The following TAF1 variants were observed in gnomAD, a reference collection of about 807,000 sequenced individuals.
TAF1 encodes the protein TATA-box binding protein associated factor 1.
In TAF1, 2 loss-of-function variants were observed where a neutral mutation model predicts 138.5. That is an observed-to-expected ratio of 0.01 (90% CI 0.01 to 0.05). The LOEUF (loss-of-function observed/expected upper bound fraction) is 0.05. Ranked by LOEUF, TAF1 falls within the 10% of genes least tolerant of loss-of-function variation. TAF1 has a pLI of 1.00. For synonymous variants in TAF1, 437 were observed against 503.2 expected, an observed-to-expected ratio of 0.87 and a Z score of 1.76; for missense variants, 709 against 1,478.0, an observed-to-expected ratio of 0.48 and a Z score of 8.53.
In TAF1 at chrX:71,475,603, A is replaced by G. The variant is rs776460094; in HGVS notation, c.1366+14800A>G. Among the ~76,000 whole-genome samples, 667 of 110,079 alleles carry G rather than the reference A, an allele frequency of 6.1e-3. 11 individuals are homozygous for G. Among genetic ancestry groups the G allele is most frequent in the African/African-American group, 0.021 (631 of 30,115 alleles). ...CCGTTTCAAAAAAAAAAAAAAAAGA[A>G]AAAGAAAAAGGATAAATCTAAATAA... On this transcript the variant is annotated intron_variant and NMD_transcript_variant, in intron 13 of 14. Coordinates refer to the TAF1 transcript ENST00000373775.
intron 13 of TAF1, among the ~76,000 whole-genome samples, chrX:71,505,889 G>A (rs903109228): frequency 4.6e-5 from 5 of 107,818 alleles, no homozygotes; most frequent in Admixed American, 9.9e-5. Context: ...GCATGGTGGC[G>A]CATGCCTGTA....
At chrX:71,478,739 G>A (rs763168710) in intron 13 of TAF1, among the ~76,000 whole-genome samples, 95 of 111,676 alleles carry the variant, frequency 8.5e-4, no homozygotes, top group Admixed American at 1.8e-3. Flanking sequence ...ACAATATATC[G>A]GTAAGAAAAA....
chrX:71,379,596 CTTTTTTTTTTTT>C (rs10714417), intron 8 of TAF1, among the ~76,000 whole-genome samples: 2 of 57,591 alleles, frequency 3.5e-5, no homozygotes, highest in East Asian at 9.6e-4. Flanking sequence ...TGATAAAGAT[CTTTTTTTTTTTT>C]TTTTTTTTGA....
At chrX:71,454,651 A>T (rs547581102) in intron 33 of TAF1, 90 bp from the exon 34 acceptor site, 2 of 740,654 alleles carry the variant, frequency 2.7e-6, no homozygotes, top group South Asian at 5.6e-5. Context: ...TATAAGCTCC[A>T]TGAAGATAGA....
At chrX:71,369,136 C>T (rs781009953) in intron 3 of TAF1, among the ~76,000 whole-genome samples, 24 of 110,749 alleles carry the variant, frequency 2.2e-4, no homozygotes, top group Non-Finnish European at 3.2e-4. Flanking sequence ...AGGCGTGAGC[C>T]ACCACGCCCG....
chrX:71,459,283 G>A (rs373658403), intron 35 of TAF1: 556 of 1,125,139 alleles, frequency 4.9e-4, no homozygotes, highest in Non-Finnish European at 5.7e-4. Flanking sequence ...TTATGGTTAC[G>A]TTATGCCCTT....
chrX:71,381,089 T>G (rs2033856880), intron 8 of TAF1, among the ~76,000 whole-genome samples: 1 of 112,397 alleles, frequency 8.9e-6, no homozygotes, highest in African/African-American at 3.2e-5. Context: ...TGTTTCATAA[T>G]TTACCGATAA....
chrX:71,384,834 A>G (rs1050765457), intron 13 of TAF1, 111 bp from the exon 14 acceptor site: 1 of 546,682 alleles, frequency 1.8e-6, no homozygotes, highest in African/African-American at 2.4e-5. Context: ...ACTTCTGGTC[A>G]CAAGCATTTT....
intron 22 of TAF1, 135 bp from the exon 23 acceptor site, chrX:71,397,118 A>T: frequency 1.6e-6 from 1 of 642,542 alleles, no homozygotes; most frequent in South Asian, 2.8e-5. Context: ...CTTGGGGCTG[A>T]TGATGACTTT....
intron 28 of TAF1, among the ~76,000 whole-genome samples, chrX:71,409,206 T>C (rs1369125186): frequency 9.1e-6 from 1 of 110,094 alleles, no homozygotes; most frequent in African/African-American, 3.3e-5. Flanking sequence ...TTTTTTTTTT[T>C]CCCTTGTGAG....
chrX:71,367,386 C>T (rs1019888005), intron 1 of TAF1, 113 bp from the exon 2 acceptor site: 1 of 903,702 alleles, frequency 1.1e-6, no homozygotes, highest in Non-Finnish European at 1.6e-6. Context: ...GCACACTGCA[C>T]AGTCATTTTT....
intron 37 of TAF1, among the ~76,000 whole-genome samples, chrX:71,462,269 A>G (rs1162852074): frequency 1.8e-5 from 2 of 112,144 alleles, no homozygotes; most frequent in Non-Finnish European, 3.8e-5. Context: ...GTAAATGGCC[A>G]ATATATCATA....
intron 8 of TAF1, among the ~76,000 whole-genome samples, chrX:71,380,306 G>A (rs977177230): frequency 6.3e-5 from 7 of 110,311 alleles, no homozygotes; most frequent in Non-Finnish European, 9.5e-5. Context: ...TTCCTGCCTC[G>A]GTCTCCCAAA....
rs770536345 is a variant in TAF1 at position 71,446,974 on chromosome X, C to T, written c.4754-7196C>T. ...TAGATTCACTTCTCTTTAATTTTCACTTGTTTTGGATCTAGTTTGAAGATA... is the reference window on the plus strand; with the variant it reads ...TAGATTCACTTCTCTTTAATTTTCATTTGTTTTGGATCTAGTTTGAAGATA... On this transcript the variant is annotated intron_variant, in intron 32 of 37. Coordinates refer to ENST00000423759, the MANE Select transcript of TAF1 (RefSeq NM_004606.5). Among the ~76,000 whole-genome samples the T allele has an allele frequency of 4.5e-5, 5 of 112,144 alleles. No individual in the cohort carries two copies. The East Asian group carries it at 1.1e-3, about 25-fold the overall frequency.
intron 13 of TAF1, among the ~76,000 whole-genome samples, chrX:71,484,336 C>CT (rs376235189): frequency 0.069 from 6,978 of 101,686 alleles, 600 homozygotes; most frequent in African/African-American, 0.22. Context: ...GGTCAAATTA[C>CT]TTTTTTTTTT....
chrX:71,460,863 G>T, intron 37 of TAF1, 60 bp downstream of exon 37: 1 of 1,147,252 alleles, frequency 8.7e-7, no homozygotes, highest in African/African-American at 1.8e-5. Flanking sequence ...GATGTTGAGG[G>T]GCCCAACATC....
chrX:71,447,025 G>C (rs2037724720), intron 32 of TAF1, among the ~76,000 whole-genome samples: 1 of 112,051 alleles, frequency 8.9e-6, no homozygotes, highest in African/African-American at 3.2e-5. Flanking sequence ...CAAAGTCAGA[G>C]CTCATCTCTT....
intron 32 of TAF1, among the ~76,000 whole-genome samples, chrX:71,437,109 C>T (rs1288317927): frequency 9.0e-6 from 1 of 110,793 alleles, no homozygotes; most frequent in African/African-American, 3.3e-5. Context: ...GAGTTTATTC[C>T]TAGGTAATTT....
At chrX:71,492,404 C>T (rs2039306842) in intron 13 of TAF1, 1 of 130,157 alleles carries the variant, frequency 7.7e-6, no homozygotes, top group Non-Finnish European at 1.7e-5. Flanking sequence ...GGTTGCTGGA[C>T]GCGTTCTCAC....
Sources: allele counts gnomAD v4.1 joint callset (sites outside exome capture counted in the v4.1 genomes callset), GRCh38; gene constraint gnomAD v4.1.1; transcripts MANE v1.5; gene names NCBI Gene and HGNC (gene_info 2026-07-23, HGNC 2026-07-21).